NRCAM: variants seen among roughly 807,000 people sequenced by gnomAD.
NRCAM encodes the protein NgCAM-related cell adhesion molecule.
A neutral mutation model predicts 156.5 loss-of-function variants in NRCAM; 83 were observed. That is an observed-to-expected ratio of 0.53 (90% confidence interval 0.44 to 0.64). The LOEUF is 0.64. NRCAM is among the 30% of genes least tolerant of loss of function. NRCAM has a pLI of 0.00. For synonymous variants in NRCAM, 538 were observed against 563.9 expected (o/e 0.95, Z 0.65); for missense variants, 1,417 against 1,597.3 (o/e 0.89, Z 1.92).
chr7:108,179,316 A>G (rs1054622689), intron 25 of NRCAM, among the ~76,000 whole-genome samples: 1 of 152,080 alleles, frequency 6.6e-6, no homozygotes, highest in Non-Finnish European at 1.5e-5. Flanking sequence ...AAAACTTACA[A>G]TGAGATGGGA....
At chr7:108,204,127 A>G (rs1036830268) in intron 13 of NRCAM, among the ~76,000 whole-genome samples, 2 of 152,154 alleles carry the variant, frequency 1.3e-5, no homozygotes, top group Non-Finnish European at 2.9e-5. Context: ...CTCAAAGGCA[A>G]TTCCCTTCAG....
At chr7:108,267,866 T>C (rs2097167053) in intron 3 of NRCAM, among the ~76,000 whole-genome samples, 1 of 152,218 alleles carries the variant, frequency 6.6e-6, no homozygotes, top group Non-Finnish European at 1.5e-5. Context: ...AACATTATTT[T>C]CCCTAGGGCA....
chr7:108,365,532 T>C (rs1188149092), intron 2 of NRCAM, among the ~76,000 whole-genome samples: 3 of 152,192 alleles, frequency 2.0e-5, no homozygotes, highest in African/African-American at 7.2e-5. Flanking sequence ...TTCTTTATAG[T>C]GAGAACATTT....
chr7:108,311,590 AT>A (rs2098804438), intron 3 of NRCAM, among the ~76,000 whole-genome samples: 1 of 152,124 alleles, frequency 6.6e-6, no homozygotes, highest in South Asian at 2.1e-4. Flanking sequence ...GTGCTATTTG[AT>A]TTACAAAGCA....
At chr7:108,175,450 G>T in intron 27 of NRCAM, 93 bp from the exon 28 acceptor site, 2 of 1,102,016 alleles carry the variant, frequency 1.8e-6, no homozygotes, top group Non-Finnish European at 2.6e-6. Flanking sequence ...TTATTAAAAT[G>T]CTAAAGCATG....
intron 2 of NRCAM, among the ~76,000 whole-genome samples, chr7:108,378,423 CA>C (rs1019620086): frequency 1.3e-5 from 2 of 150,892 alleles, no homozygotes; most frequent in Admixed American, 6.6e-5. Context: ...GAACAGAGAC[CA>C]AAAAAGAGAG....
At chr7:108,216,080 TCAGGAGATCTTGTAAG>T (rs2088549181) in intron 11 of NRCAM, among the ~76,000 whole-genome samples, 1 of 152,212 alleles carries the variant, frequency 6.6e-6, no homozygotes, top group African/African-American at 2.4e-5. Context: ...AGTGCTTCCT[TCAGGAGATCTTGTAAG>T]GCAGGCCTGG....
intron 1 of NRCAM, among the ~76,000 whole-genome samples, chr7:108,401,718 T>A (rs980388481): frequency 6.6e-6 from 1 of 152,154 alleles, no homozygotes; most frequent in Non-Finnish European, 1.5e-5. Flanking sequence ...GAGTCTTGTC[T>A]CAAAAATGAT....
intron 1 of NRCAM, among the ~76,000 whole-genome samples, chr7:108,401,863 A>G (rs1419750556): frequency 2.0e-5 from 3 of 152,168 alleles, no homozygotes; most frequent in African/African-American, 7.2e-5. Context: ...TTTTGTCTCA[A>G]TGCATCCTCA....
chr7:108,197,011 C>T (rs1377627850), intron 14 of NRCAM, among the ~76,000 whole-genome samples: 1 of 152,084 alleles, frequency 6.6e-6, no homozygotes, highest in Non-Finnish European at 1.5e-5. Flanking sequence ...TACTATCCAG[C>T]CTTAAAAAAG....
intron 2 of NRCAM, among the ~76,000 whole-genome samples, chr7:108,362,613 C>T (rs2099565175): frequency 6.6e-6 from 1 of 152,164 alleles, no homozygotes; most frequent in Admixed American, 6.5e-5. Context: ...CAGTTAAGTA[C>T]ATGGTTGGTG....
intron 3 of NRCAM, among the ~76,000 whole-genome samples, chr7:108,297,674 A>G (rs1024212373): frequency 2.6e-5 from 4 of 152,180 alleles, no homozygotes; most frequent in African/African-American, 9.7e-5. Flanking sequence ...AAAGGGAGGG[A>G]AACATAAAAA....
chr7:108,366,383 A>T (rs1013270561), intron 2 of NRCAM, among the ~76,000 whole-genome samples: 1 of 152,232 alleles, frequency 6.6e-6, no homozygotes, highest in Admixed American at 6.5e-5. Flanking sequence ...CTAATGTAAA[A>T]GTCTTATGAA....
chr7:108,448,687 T>C (rs989953353), intron 1 of NRCAM, among the ~76,000 whole-genome samples: 2 of 152,108 alleles, frequency 1.3e-5, no homozygotes, highest in Non-Finnish European at 2.9e-5. Flanking sequence ...TACTGAAATG[T>C]TTTCAATCAG....
At chr7:108,343,106 A>G (rs2099312284) in intron 2 of NRCAM, among the ~76,000 whole-genome samples, 1 of 152,236 alleles carries the variant, frequency 6.6e-6, no homozygotes, top group South Asian at 2.1e-4. Context: ...TCCTTCGTAG[A>G]AAAAGGGCTT....
At chr7:108,373,808 A>G (rs1372195537) in intron 2 of NRCAM, among the ~76,000 whole-genome samples, 18 of 152,154 alleles carry the variant, frequency 1.2e-4, no homozygotes, top group Non-Finnish European at 1.5e-4. Flanking sequence ...GTGATTGATA[A>G]CTTCCTAAGG....
chr7:108,190,328 C>T (rs422571), intron 19 of NRCAM, among the ~76,000 whole-genome samples: 103,998 of 151,472 alleles, frequency 0.69, 37,410 homozygotes, highest in East Asian at 0.96. Context: ...AGACACATGT[C>T]GAGATGAAGG....
At chr7:108,179,588 T>A (rs1024708008) in intron 25 of NRCAM, among the ~76,000 whole-genome samples, 1 of 152,188 alleles carries the variant, frequency 6.6e-6, no homozygotes, top group Admixed American at 6.5e-5. Flanking sequence ...CAAGGCTCCC[T>A]TGTCCCTGTG....
chr7:108,409,911 A>T (rs530766765), intron 1 of NRCAM, among the ~76,000 whole-genome samples: 1 of 152,194 alleles, frequency 6.6e-6, no homozygotes, highest in Non-Finnish European at 1.5e-5. Flanking sequence ...TTTGCATATT[A>T]TATCTTTCTT....
Sources: gnomAD v4.1 joint callset for allele counts (sites outside exome capture counted in the v4.1 genomes callset) on GRCh38, gnomAD v4.1.1 for gene constraint, MANE v1.5 for transcripts, NCBI Gene and HGNC (gene_info 2026-07-23, HGNC 2026-07-21) for gene names.